The following TCTN2 variants were observed in gnomAD, a reference collection of about 807,000 sequenced individuals.
The protein encoded by TCTN2 is tectonic-2.
Under a neutral mutation model 83.4 loss-of-function variants are expected in TCTN2, and 66 were observed. The observed-to-expected ratio is 0.79, with a 90% CI of 0.65 to 0.97. TCTN2 has a LOEUF of 0.97. Ranked by LOEUF, TCTN2 falls within the 50% of genes least tolerant of loss-of-function variation. The pLI is 0.00. For synonymous variants in TCTN2, 301 were observed against 326.7 expected (o/e 0.92, Z 0.85); for missense variants, 794 against 858.1 (o/e 0.93, Z 0.93).
At chr12:123,691,376 TC>T (rs1185161138) in intron 8 of TCTN2, among the ~76,000 whole-genome samples, 3 of 152,210 alleles carry the variant, frequency 2.0e-5, no homozygotes, top group African/African-American at 7.2e-5. Flanking sequence ...TTCTGGGTGT[TC>T]CCTAGAAACA....
Position 123,679,243 on chromosome 12 carries a change from G to A in TCTN2, c.518G>A (p.Cys173Tyr). 6.2e-7 allele frequency: 1 copy of A among 1,614,092 alleles called. No individual in the cohort carries two copies. The change falls in exon 5 of 18, where the codon TGT becomes TAT. Residue 173 changes from cysteine to tyrosine, a missense_variant. Physicochemically the swap from Cys to Tyr is radical, Grantham distance 194. Coordinates refer to ENST00000303372, the MANE Select transcript of TCTN2 (RefSeq NM_024809.5). The stretch of plus-strand genomic sequence containing the variant: ...TATCAGCCCCTTGGCCCTTGTCCTT[G>A]TAATTTAACAGCTGGAGCCTGTGAT... ...QVYQPLGPCP[C>Y]NLTAGACDVR...
intron 5 of TCTN2, among the ~76,000 whole-genome samples, chr12:123,684,399 CTT>C (rs528065302): frequency 3.9e-4 from 50 of 127,698 alleles, no homozygotes; most frequent in Admixed American, 5.6e-4. Flanking sequence ...TATTGTCATT[CTT>C]TTTTTTTTTT....
At chr12:123,696,143 C>G (rs1282417785) in intron 11 of TCTN2, 1 of 414,092 alleles carries the variant, frequency 2.4e-6, no homozygotes, top group Admixed American at 3.6e-5. Context: ...TACGCCTGGC[C>G]GACATGGTAT....
intron 8 of TCTN2, among the ~76,000 whole-genome samples, chr12:123,692,026 C>T (rs1264924076): frequency 6.6e-6 from 1 of 152,170 alleles, no homozygotes; most frequent in Non-Finnish European, 1.5e-5. Context: ...TCCCGAGTAG[C>T]TGGGATTACA....
chr12:123,681,256 C>A (rs914719200), intron 5 of TCTN2, among the ~76,000 whole-genome samples: 72 of 142,820 alleles, frequency 5.0e-4, no homozygotes, highest in Middle Eastern at 3.6e-3. Flanking sequence ...GACTCTCTTT[C>A]AAAAAAAAAG....
chr12:123,686,791 A>G (rs1323385449), intron 5 of TCTN2, 45 bp from the exon 6 acceptor site: 2 of 1,597,126 alleles, frequency 1.3e-6, no homozygotes, highest in Admixed American at 1.7e-5. Context: ...TTGCCAGGAG[A>G]TCCTGACCAC....
rs201162428 is a variant in TCTN2 at position 123,698,365 on chromosome 12, G to GT, written c.1505+1178dup. On this transcript the variant is annotated intron_variant, in intron 13 of 17. Transcript: ENST00000303372. ...CCTTGTTTTTTGTTTTTTTGTTTTT[G>GT]TTTTTTTTTTTGACAGTAGCCATCC... is the stretch of plus-strand genomic sequence containing the variant. Among the ~76,000 whole-genome samples, 205 of 144,996 alleles carry GT rather than the reference G, an allele frequency of 1.4e-3. 1 individual carries two copies. The South Asian group carries it at 0.017, about 12-fold the overall frequency.
intron 9 of TCTN2, among the ~76,000 whole-genome samples, chr12:123,693,834 T>C (rs11057332): frequency 0.071 from 10,700 of 150,800 alleles, 538 homozygotes; most frequent in African/African-American, 0.13. Context: ...TTTTTTTAAT[T>C]GGAGACAGAG....
In TCTN2 at chr12:123,697,133, T is replaced by A. The variant is rs760942775; in HGVS notation, c.1440T>A (p.Phe480Leu). 6.2e-7 allele frequency: 1 copy of A among 1,614,130 alleles called. No individual in the cohort carries two copies. Among genetic ancestry groups the A allele is most frequent in the Non-Finnish European group, 8.5e-7 (1 of 1,179,990 alleles). The change falls in exon 13 of 18, where the codon TTT becomes TTA. Residue 480 changes from phenylalanine to leucine, a missense_variant. Physicochemically the swap from Phe to Leu is conservative, Grantham distance 22. Transcript: ENST00000303372. Reference sequence around the variant, plus strand: ...CAGCAACTTTCAAACCCATTTTATTTGGAGAAAATGTACTCTCTGGATGCC... The same window carrying A: ...CAGCAACTTTCAAACCCATTTTATTAGGAGAAAATGTACTCTCTGGATGCC... ...CTSATFKPIL[F>L]GENVLSGCLL...
At chr12:123,686,724 T>C (rs1955971594) in intron 5 of TCTN2, 112 bp from the exon 6 acceptor site, 1 of 1,024,564 alleles carries the variant, frequency 9.8e-7, no homozygotes. Context: ...TTATAGGTTT[T>C]CTTGCTTACT....
intron 4 of TCTN2, among the ~76,000 whole-genome samples, chr12:123,675,274 A>G (rs993546479): frequency 2.0e-5 from 3 of 152,098 alleles, no homozygotes; most frequent in Non-Finnish European, 2.9e-5. Flanking sequence ...TCCGTCTCAC[A>G]TGATGTTAGT....
In TCTN2 at chr12:123,707,835, C is replaced by T. The variant is rs949476701; in HGVS notation, c.*122C>T. ...CAAGCGATTCTCCTGCCTCAGCCTC[C>T]GGAGAACTGGGATTACAGGCATGCA... On this transcript the variant is annotated 3_prime_UTR_variant, in exon 18 of 18. Coordinates refer to ENST00000303372, the MANE Select transcript of TCTN2 (RefSeq NM_024809.5). 3.4e-5 allele frequency: 26 copies of T among 774,936 alleles called. 1 individual carries two copies. The highest frequency in any genetic ancestry group is 5.7e-5 in the South Asian group (4 of 70,154). The allele number at this position is 774,936 out of a possible 1,614,324, so 48.0% of individuals were successfully genotyped here.
At position 123,684,469 on chromosome 12, in the gene TCTN2, C is replaced by T. The variant is rs966972010; in HGVS notation, c.565-2367C>T. Among the ~76,000 whole-genome samples the T allele has an allele frequency of 2.7e-5, 4 of 149,508 alleles. No individual in the cohort carries two copies. In the South Asian group the frequency reaches 6.4e-4, roughly 24 times the overall value. ...AGGCTGGAGTACAGTGGTGCGATCT[C>T]GGCCCGCTGCAACCTCCGCCTCCCG... On this transcript the variant is annotated intron_variant, in intron 5 of 17. Coordinates refer to ENST00000303372, the MANE Select transcript of TCTN2 (RefSeq NM_024809.5).
intron 8 of TCTN2, 111 bp from the exon 9 acceptor site, chr12:123,692,547 C>G (rs993698383): frequency 1.2e-5 from 10 of 851,064 alleles, no homozygotes; most frequent in Non-Finnish European, 2.0e-5. Context: ...GTAGTCAGCA[C>G]CCTGGGCAGT....
intron 14 of TCTN2, among the ~76,000 whole-genome samples, chr12:123,701,581 TA>T (rs11310002): frequency 0.33 from 48,476 of 145,934 alleles, 8,324 homozygotes; most frequent in Non-Finnish European, 0.4. Flanking sequence ...CTACTAAAAA[TA>T]AAAAAAAAAA....
At chr12:123,696,701 G>T in intron 12 of TCTN2, 1 of 606,458 alleles carries the variant, frequency 1.6e-6, no homozygotes, top group Non-Finnish European at 3.0e-6. Context: ...GTTTGCACCT[G>T]AAGTGCTGGT....
chr12:123,688,029 A>G, intron 6 of TCTN2, 22 bp from the exon 7 acceptor site: 1 of 1,613,434 alleles, frequency 6.2e-7, no homozygotes, highest in Non-Finnish European at 8.5e-7. Context: ...GAAACTATTC[A>G]GCCTTTCTTA....
chr12:123,694,720 G>A, intron 9 of TCTN2, 122 bp from the exon 10 acceptor site: 5 of 1,017,442 alleles, frequency 4.9e-6, no homozygotes, highest in South Asian at 1.3e-5. Context: ...TTAGGGAGCT[G>A]GAGATAGGGA....
rs1256945501 is a variant in TCTN2 at position 123,688,039 on chromosome 12, A to G, written c.765-12A>G. 1 of 1,613,720 alleles carries G rather than the reference A, an allele frequency of 6.2e-7. No individual in the cohort carries two copies. Among genetic ancestry groups the G allele is most frequent in the Admixed American group, 1.7e-5 (1 of 59,986 alleles). ...TAACTGAAACTATTCAGCCTTTCTT[A>G]TTGATTTTCAGTTCCCCCAAACAGG... On this transcript the variant is annotated splice_polypyrimidine_tract_variant and intron_variant, in intron 6 of 17. Transcript: ENST00000303372.
Sources: gnomAD v4.1 joint callset for allele counts (sites outside exome capture counted in the v4.1 genomes callset) on GRCh38, gnomAD v4.1.1 for gene constraint, MANE v1.5 for transcripts, NCBI Gene and HGNC (gene_info 2026-07-23, HGNC 2026-07-21) for gene names.